CLTCL1: variants seen among roughly 807,000 people sequenced by gnomAD.
The protein encoded by CLTCL1 is clathrin heavy chain like 1, also known as clathrin heavy chain 2.
CLTCL1 carries 159 observed loss-of-function variants against 190.0 expected under a neutral mutation model. The ratio of observed to expected loss-of-function variants is 0.84; its 90% confidence interval spans 0.74 to 0.95. The LOEUF (loss-of-function observed/expected upper bound fraction) is 0.95, where lower values mean the gene tolerates loss of function less well. Among genes scored for constraint, CLTCL1 ranks in the 40% least tolerant of loss-of-function variants. CLTCL1 has a pLI of 0.00. For synonymous variants in CLTCL1, 752 were observed against 769.6 expected (o/e 0.98, Z 0.38); for missense variants, 1,878 against 2,033.4 (o/e 0.92, Z 1.47).
chr22:19,262,962 C>G (rs1469279065), intron 2 of CLTCL1, among the ~76,000 whole-genome samples: 2 of 148,002 alleles, frequency 1.4e-5, no homozygotes, highest in East Asian at 3.9e-4. Flanking sequence ...CCCTGGTAAA[C>G]AGAAGTTGCA....
intron 29 of CLTCL1, among the ~76,000 whole-genome samples, chr22:19,186,129 G>A (rs535939598): frequency 7.2e-5 from 11 of 152,284 alleles, no homozygotes; most frequent in African/African-American, 2.6e-4. Flanking sequence ...CAGACCAGGA[G>A]CCATGAGAAT....
chr22:19,279,166 C>T (rs1490771999), intron 1 of CLTCL1, among the ~76,000 whole-genome samples: 13 of 152,102 alleles, frequency 8.5e-5, no homozygotes, highest in South Asian at 2.1e-4. Context: ...GAGACAGTCT[C>T]GCTGCGACGC....
At chr22:19,272,753 T>C (rs562262923) in intron 2 of CLTCL1, among the ~76,000 whole-genome samples, 17 of 152,232 alleles carry the variant, frequency 1.1e-4, no homozygotes, top group African/African-American at 4.1e-4. Flanking sequence ...ATTACAGGCG[T>C]GAGCCACCAC....
intron 27 of CLTCL1, among the ~76,000 whole-genome samples, chr22:19,188,614 C>CTTT (rs1195452293): frequency 2.2e-5 from 3 of 137,044 alleles, no homozygotes; most frequent in Non-Finnish European, 3.2e-5. Context: ...ATTTCTTTTT[C>CTTT]TTTTTTTTTT....
intron 6 of CLTCL1, among the ~76,000 whole-genome samples, chr22:19,235,342 T>C (rs1192700489): frequency 6.6e-6 from 1 of 152,212 alleles, no homozygotes; most frequent in Non-Finnish European, 1.5e-5. Context: ...GCCAAGAGTT[T>C]CTTCTTTTAA....
intron 13 of CLTCL1, among the ~76,000 whole-genome samples, chr22:19,224,902 GCCC>G (rs1294070931): frequency 6.6e-5 from 10 of 152,172 alleles, no homozygotes; most frequent in South Asian, 4.1e-4. Context: ...GGGCCAGACA[GCCC>G]CCATCTGTCC....
intron 23 of CLTCL1, among the ~76,000 whole-genome samples, 185 bp from the exon 24 acceptor site, chr22:19,200,026 TA>T (rs1555938254): frequency 2.0e-5 from 3 of 152,198 alleles, no homozygotes; most frequent in African/African-American, 7.2e-5. Context: ...ATGACATTTG[TA>T]ATCTGCAGGC....
intron 2 of CLTCL1, among the ~76,000 whole-genome samples, chr22:19,265,899 G>T (rs572537407): frequency 1.3e-5 from 2 of 152,048 alleles, no homozygotes; most frequent in Non-Finnish European, 2.9e-5. Flanking sequence ...TACAGACAGG[G>T]TCTCACTCTG....
chr22:19,204,384 C>G (rs1601508860), intron 22 of CLTCL1, among the ~76,000 whole-genome samples: 1 of 152,308 alleles, frequency 6.6e-6, no homozygotes, highest in East Asian at 1.9e-4. Context: ...GGGCTCCTTC[C>G]CAGAGGTGTA....
At chr22:19,257,692 G>T in intron 2 of CLTCL1, 1 of 736,554 alleles carries the variant, frequency 1.4e-6, no homozygotes. Flanking sequence ...TTCCAGGGTG[G>T]CTTGGGGTCC....
chr22:19,187,945 G>C, intron 28 of CLTCL1, 36 bp downstream of exon 28: 5 of 1,584,506 alleles, frequency 3.2e-6, no homozygotes, highest in Non-Finnish European at 4.3e-6. Flanking sequence ...GAGGAGCCCA[G>C]CCCACCCAGG....
intron 2 of CLTCL1, among the ~76,000 whole-genome samples, chr22:19,267,539 A>T (rs1336873131): frequency 6.6e-6 from 1 of 152,230 alleles, no homozygotes; most frequent in African/African-American, 2.4e-5. Context: ...TGGAGTACCA[A>T]CACTATCTGA....
intron 2 of CLTCL1, among the ~76,000 whole-genome samples, chr22:19,260,742 G>A (rs569512394): frequency 1.1e-4 from 15 of 130,454 alleles, no homozygotes; most frequent in South Asian, 4.7e-4. Context: ...TCGTGCCACT[G>A]CACTCCAGCC....
At chr22:19,210,299 C>T in intron 20 of CLTCL1, 27 bp downstream of exon 20, 1 of 1,605,814 alleles carries the variant, frequency 6.2e-7, no homozygotes, top group African/African-American at 1.3e-5. Flanking sequence ...GGTGCTAGGT[C>T]CGACATGCTT....
intron 2 of CLTCL1, chr22:19,258,803 T>C (rs1037662909): frequency 3.1e-5 from 21 of 678,730 alleles, no homozygotes; most frequent in African/African-American, 2.3e-4. Context: ...TTCTGAGGAA[T>C]TGAGCCAGCA....
chr22:19,252,735 A>G (rs886524804), intron 3 of CLTCL1, among the ~76,000 whole-genome samples: 6 of 151,954 alleles, frequency 3.9e-5, no homozygotes, highest in Admixed American at 2.0e-4. Flanking sequence ...AAAAAAGGGG[A>G]CGGGCGCGGT....
chr22:19,234,981 T>C (rs1353408435), intron 6 of CLTCL1, among the ~76,000 whole-genome samples: 2 of 152,228 alleles, frequency 1.3e-5, no homozygotes, highest in Non-Finnish European at 2.9e-5. Flanking sequence ...TGGATGGAAC[T>C]GACAATTTTT....
chr22:19,186,671 G>A (rs917412839), intron 29 of CLTCL1, among the ~76,000 whole-genome samples: 3 of 151,766 alleles, frequency 2.0e-5, no homozygotes, highest in Admixed American at 6.6e-5. Flanking sequence ...CGTGATCTCC[G>A]CTCACTGCAA....
At chr22:19,229,726 T>A in intron 11 of CLTCL1, 112 bp downstream of exon 11, 1 of 1,078,686 alleles carries the variant, frequency 9.3e-7, no homozygotes, top group Non-Finnish European at 1.2e-6. Flanking sequence ...AAGTACAAGA[T>A]AAACATCTGG....
Sources: allele counts gnomAD v4.1 joint callset (sites outside exome capture counted in the v4.1 genomes callset), GRCh38; gene constraint gnomAD v4.1.1; transcripts MANE v1.5; gene names NCBI Gene and HGNC (gene_info 2026-07-23, HGNC 2026-07-21).